JAG1: variants seen among roughly 807,000 people sequenced by gnomAD.
The protein encoded by JAG1 is jagged canonical Notch ligand 1.
Under a neutral mutation model 148.7 loss-of-function variants are expected in JAG1, and 23 were observed. The ratio of observed to expected loss-of-function variants is 0.15; its 90% confidence interval spans 0.11 to 0.22. JAG1 has a LOEUF of 0.22. Among genes scored for constraint, JAG1 ranks in the 10% least tolerant of loss-of-function variants. The pLI is 1.00. For synonymous variants in JAG1, 572 were observed against 598.3 expected, an observed-to-expected ratio of 0.96 and a Z score of 0.64; for missense variants, 1,054 against 1,611.2, an observed-to-expected ratio of 0.65 and a Z score of 5.92.
chr20:10,664,099 C>T, intron 2 of JAG1, 85 bp from the exon 3 acceptor site: 1 of 1,046,212 alleles, frequency 9.6e-7, no homozygotes, highest in East Asian at 2.4e-5. Flanking sequence ...CCAGAATACC[C>T]CACCAAACAA....
rs984967527 is a variant in JAG1 at position 10,673,162 on chromosome 20, G to C, written c.82-156C>G. 1.3e-5 allele frequency: 8 copies of C among 621,822 alleles called. No homozygotes were observed. Among genetic ancestry groups the C allele is most frequent in the African/African-American group, 6.8e-5 (3 of 44,300 alleles). The allele number at this position is 621,822 out of a possible 1,614,324, so 38.5% of individuals were successfully genotyped here. A position where few individuals can be genotyped will look rare whatever the true frequency, so the allele number is the denominator to read the frequency against. On this transcript the variant is annotated intron_variant, in intron 1 of 25. Coordinates refer to ENST00000254958, the MANE Select transcript of JAG1 (RefSeq NM_000214.3). The surrounding 1 kb of genome is among the most constrained non-coding windows in gnomAD (Gnocchi z 4.7). ...ACGTTCAAGGACTCAACATGATTCC[G>C]GGGCAAAAAAAAAAAAAAATGCACG...
chr20:10,639,634 G>A lies in JAG1; in HGVS notation c.3521C>T (p.Pro1174Leu), dbSNP rs775363555. The A allele has an allele frequency of 6.0e-5, 97 of 1,614,150 alleles. No homozygotes were observed. In the East Asian group the frequency reaches 1.8e-3, roughly 31 times the overall value. The part of the protein sequence containing the change: ...HQQKARFAKQ[P>L]AYTLVDREEK... Reference sequence around the variant, plus strand: ...TTCTCTGTCTACCAGCGTGTACGCCGGCTGCTTGGCAAACCGGGCTTTCTG... The same window carrying A: ...TTCTCTGTCTACCAGCGTGTACGCCAGCTGCTTGGCAAACCGGGCTTTCTG... Residue 1174 changes from proline to leucine, a missense_variant, in exon 26 of 26, where the codon CCG (proline) becomes CTG (leucine). By Grantham distance (98) the Pro-to-Leu change is moderately conservative (BLOSUM62 -3). Transcript: ENST00000254958.
At chr20:10,661,221 C>G (rs1405269898) in intron 3 of JAG1, among the ~76,000 whole-genome samples, 1 of 152,170 alleles carries the variant, frequency 6.6e-6, no homozygotes, top group East Asian at 1.9e-4. Context: ...GGGCCCGAGT[C>G]TGCCTGTGAG....
Position 10,645,001 on chromosome 20 carries a change from G to T in JAG1, c.2228-22C>A. ...CGGGCTATAAAAGAAGAGCAGACACGACCACCCTCCCTGAGTATCCAGAAA... is the reference window on the plus strand; with the variant it reads ...CGGGCTATAAAAGAAGAGCAGACACTACCACCCTCCCTGAGTATCCAGAAA... On this transcript the variant is annotated intron_variant, in intron 17 of 25. Coordinates refer to ENST00000254958, the MANE Select transcript of JAG1 (RefSeq NM_000214.3). This position sits in a 1 kb window ranked among gnomAD's most constrained non-coding sequence, Gnocchi z 6.1. The T allele has an allele frequency of 6.3e-7, 1 of 1,585,556 alleles. No homozygotes were observed. Among genetic ancestry groups the T allele is most frequent in the Non-Finnish European group, 8.7e-7 (1 of 1,154,124 alleles).
chr20:10,663,913 C>A (rs550644454), intron 3 of JAG1, 50 bp downstream of exon 3: 2 of 1,495,972 alleles, frequency 1.3e-6, no homozygotes, highest in African/African-American at 2.8e-5. Context: ...TTGGCCAAGC[C>A]CCACACTTCC....
At position 10,641,869 on chromosome 20, in the gene JAG1, T is replaced by C. The variant is rs746108409; in HGVS notation, c.2596A>G (p.Met866Val). Reference protein sequence around the residue: ...QEVSGRPCITMGSVIPDGAKW... With the variant: ...QEVSGRPCITVGSVIPDGAKW... ...GCCCCATCTGGTATCACACTCCCCA[T>C]GGTGATGCAAGGTCTCCCTGAAACT... The change falls in exon 22 of 26, where the codon ATG (methionine) becomes GTG (valine). Residue 866 changes from methionine (M) to valine (V), a missense_variant. By Grantham distance (21) the Met-to-Val change is conservative. Coordinates refer to ENST00000254958, the MANE Select transcript of JAG1 (RefSeq NM_000214.3). 8.2e-5 allele frequency: 133 copies of C among 1,612,476 alleles called. No homozygotes were observed. Among genetic ancestry groups the C allele is most frequent in the East Asian group, 2.2e-5 (1 of 44,886 alleles).
rs2067302426 is a variant in JAG1 at position 10,645,477 on chromosome 20, C to G, written c.2000-8G>C. On this transcript the variant is annotated splice_region_variant and splice_polypyrimidine_tract_variant and intron_variant, in intron 15 of 25. Coordinates refer to ENST00000254958, the MANE Select transcript of JAG1 (RefSeq NM_000214.3). This position sits in a 1 kb window ranked among gnomAD's most constrained non-coding sequence, Gnocchi z 6.1. The stretch of plus-strand genomic sequence containing the variant: ...GGCTGCAGTCATTAATATCTAGAAT[C>G]AAAGGGGAGACAATCGGCTGAAGAC... 1.9e-6 allele frequency: 3 copies of G among 1,608,490 alleles called. No homozygotes were observed. Among genetic ancestry groups the G allele is most frequent in the Non-Finnish European group, 2.6e-6 (3 of 1,174,972 alleles).
intron 21 of JAG1, among the ~76,000 whole-genome samples, chr20:10,642,270 C>T (rs2067277763): frequency 6.6e-6 from 1 of 152,224 alleles, no homozygotes; most frequent in Admixed American, 6.5e-5. Flanking sequence ...CAAGCCACAG[C>T]AGTTTGGGAT....
intron 19 of JAG1, among the ~76,000 whole-genome samples, 193 bp downstream of exon 19, chr20:10,644,164 A>T (rs1448717249): frequency 1.3e-5 from 2 of 152,112 alleles, no homozygotes; most frequent in African/African-American, 4.8e-5. Context: ...AGTGTGGTCC[A>T]TGGGGCAGCA....
intron 5 of JAG1, 180 bp from the exon 6 acceptor site, chr20:10,652,778 G>T (rs1156285117): frequency 3.4e-6 from 2 of 581,024 alleles, no homozygotes; most frequent in Non-Finnish European, 6.0e-6. Flanking sequence ...TTGAGCTGAG[G>T]TCCCCTCCCA....
rs1216334305 is a variant in JAG1 at position 10,656,599 on chromosome 20, AG to A, written c.695-142del. The A allele has an allele frequency of 4.3e-6, 3 of 700,626 alleles. No individual in the cohort carries two copies. In the Admixed American group the frequency reaches 6.5e-5, roughly 15 times the overall value. The allele number at this position is 700,626 out of a possible 1,614,324, so 43.4% of individuals were successfully genotyped here. A position where few individuals can be genotyped will look rare whatever the true frequency, so the allele number is the denominator to read the frequency against. On this transcript the variant is annotated intron_variant, in intron 4 of 25. Transcript: ENST00000254958. Reference sequence around the variant, plus strand: ...TATCAAGTCCCTTGTAAGGAGAGGAAGATGGGAGGGGCCCAAATAACAAAAC... The same window carrying A: ...TATCAAGTCCCTTGTAAGGAGAGGAAATGGGAGGGGCCCAAATAACAAAAC...
chr20:10,650,447 G>A (rs1335600544), intron 8 of JAG1, 87 bp from the exon 9 acceptor site: 2 of 786,406 alleles, frequency 2.5e-6, no homozygotes, highest in Admixed American at 2.0e-5. Flanking sequence ...TACATGAGGG[G>A]CTGTCATTGA....
intron 19 of JAG1, 90 bp from the exon 20 acceptor site, chr20:10,643,953 C>T: frequency 1.1e-6 from 1 of 950,052 alleles, no homozygotes; most frequent in Non-Finnish European, 1.7e-6. Flanking sequence ...CAGTTACAGT[C>T]AGTGGCTCTC....
intron 13 of JAG1, chr20:10,647,411 G>A (rs1474940263): frequency 8.5e-6 from 4 of 471,564 alleles, no homozygotes; most frequent in Admixed American, 3.4e-5. Context: ...TAAGGCAAAA[G>A]GACCTGCTTT....
chr20:10,649,351 CT>C, intron 10 of JAG1, among the ~76,000 whole-genome samples, 170 bp downstream of exon 10: 1 of 152,110 alleles, frequency 6.6e-6, no homozygotes, highest in East Asian at 1.9e-4. Flanking sequence ...GCTAATGAGC[CT>C]GATAAAGTGT....
chr20:10,657,987 G>T lies in JAG1; in HGVS notation c.694+481C>A, dbSNP rs1252697093. Among the ~76,000 whole-genome samples the T allele has an allele frequency of 2.0e-5, 3 of 152,334 alleles. No homozygotes were observed. In the East Asian group the frequency reaches 5.8e-4, roughly 29 times the overall value. On this transcript the variant is annotated intron_variant, in intron 4 of 25. Transcript: ENST00000254958. ...AAGCAGAGTCTGAGAAGGGGATCTG[G>T]ACATAGGTAGAAGGAATTGAGGGAA...
At chr20:10,664,950 G>A (rs905747878) in intron 2 of JAG1, among the ~76,000 whole-genome samples, 2 of 152,100 alleles carry the variant, frequency 1.3e-5, no homozygotes, top group Admixed American at 1.3e-4. Context: ...TTACAGTAAG[G>A]TCAGTCTCAC....
At chr20:10,643,628 C>T (rs1412802525) in intron 20 of JAG1, 150 bp downstream of exon 20, 9 of 727,382 alleles carry the variant, frequency 1.2e-5, no homozygotes, top group East Asian at 1.1e-4. Context: ...CCTGGCATAT[C>T]TTAATCCCAG....
intron 5 of JAG1, among the ~76,000 whole-genome samples, chr20:10,653,003 A>G (rs2067356864): frequency 6.6e-6 from 1 of 151,914 alleles, no homozygotes; most frequent in Non-Finnish European, 1.5e-5. Context: ...TGCACTTGCC[A>G]CTCTGCTCTT....
Sources: gnomAD v4.1 joint callset for allele counts (sites outside exome capture counted in the v4.1 genomes callset) on GRCh38, gnomAD v4.1.1 for gene constraint, Gnocchi (gnomAD v3.1) non-coding constraint, MANE v1.5 for transcripts, NCBI Gene and HGNC (gene_info 2026-07-23, HGNC 2026-07-21) for gene names.